Variants in DGKB observed in about 807,000 individuals in gnomAD.
DGKB encodes 90 kDa diacylglycerol kinase.
Under a neutral mutation model 114.3 loss-of-function variants are expected in DGKB, and 67 were observed. The observed-to-expected ratio is 0.59, with a 90% confidence interval of 0.48 to 0.72. The LOEUF is 0.72. Ranked by LOEUF, DGKB falls within the 30% of genes least tolerant of loss-of-function variation. DGKB has a pLI of 0.00. For synonymous variants in DGKB, 398 were observed against 323.1 expected, an observed-to-expected ratio of 1.23 and a Z score of -2.49; for missense variants, 907 against 975.2, an observed-to-expected ratio of 0.93 and a Z score of 0.93.
chr7:14,701,655 A>G, intron 7 of DGKB, 26 bp downstream of exon 7: 1 of 1,561,418 alleles, frequency 6.4e-7, no homozygotes, highest in Non-Finnish European at 8.8e-7. Context: ...TGAAGTTTTC[A>G]CAGAAACTTT....
chr7:14,613,532 A>AATGTGTGT, intron 15 of DGKB, 119 bp from the exon 16 acceptor site: 1 of 639,482 alleles, frequency 1.6e-6, no homozygotes. Flanking sequence ...TACTTTCCAC[A>AATGTGTGT]ATGTGTGTGT....
chr7:14,580,030 C>T (rs567062779), intron 19 of DGKB, among the ~76,000 whole-genome samples: 1 of 152,274 alleles, frequency 6.6e-6, no homozygotes, highest in East Asian at 1.9e-4. Flanking sequence ...GTTCAGTGAT[C>T]TTCAGATAAA....
intron 5 of DGKB, among the ~76,000 whole-genome samples, chr7:14,719,317 C>T (rs1236374932): frequency 1.3e-5 from 2 of 152,172 alleles, no homozygotes; most frequent in South Asian, 2.1e-4. Flanking sequence ...ATGGTTCTGA[C>T]TTTATTTCTG....
In DGKB at chr7:14,509,715, G is replaced by A. The variant is rs28707173; in HGVS notation, c.1771-31490C>T. Among the ~76,000 whole-genome samples the A allele has an allele frequency of 3.9e-3, 595 of 152,278 alleles. 2 individuals are homozygous for A. Among genetic ancestry groups the A allele is most frequent in the African/African-American group, 0.013 (556 of 41,564 alleles). On this transcript the variant is annotated intron_variant, in intron 20 of 25. Transcript: ENST00000402815. ...TCTGGGCCGTGAGCAAGCCTCCGAC[G>A]CTCTGGTCCCCTGGACCCGCCTTTT...
intron 21 of DGKB, among the ~76,000 whole-genome samples, chr7:14,375,873 C>T (rs1325834596): frequency 6.6e-6 from 1 of 152,208 alleles, no homozygotes; most frequent in Non-Finnish European, 1.5e-5. Flanking sequence ...TCACCATAAA[C>T]ATTTGTTGAA....
chr7:14,433,632 A>G (rs1828811108), intron 21 of DGKB, among the ~76,000 whole-genome samples: 1 of 152,152 alleles, frequency 6.6e-6, no homozygotes, highest in Non-Finnish European at 1.5e-5. Flanking sequence ...GTAGACACTT[A>G]ATACATTTTT....
chr7:14,415,326 T>A (rs1291679616), intron 21 of DGKB, among the ~76,000 whole-genome samples: 2 of 152,014 alleles, frequency 1.3e-5, no homozygotes, highest in Non-Finnish European at 2.9e-5. Context: ...ACGTGCAGGT[T>A]TGTTACATAT....
At chr7:14,949,748 TACACCATGGAA>T (rs1383815972) in intron 1 of DGKB, among the ~76,000 whole-genome samples, 2 of 152,080 alleles carry the variant, frequency 1.3e-5, no homozygotes, top group South Asian at 4.2e-4. Flanking sequence ...GTGGCACATA[TACACCATGGAA>T]TACTATGCAG....
intron 20 of DGKB, among the ~76,000 whole-genome samples, chr7:14,553,172 T>A (rs1475874059): frequency 1.3e-5 from 2 of 152,218 alleles, no homozygotes; most frequent in Non-Finnish European, 2.9e-5. Flanking sequence ...AAGGCAAAAA[T>A]TATTTTCCAT....
chr7:14,530,646 G>A (rs56055469), intron 20 of DGKB, among the ~76,000 whole-genome samples: 26,319 of 151,132 alleles, frequency 0.17, 3,666 homozygotes, highest in East Asian at 0.54. Context: ...CCATTATATC[G>A]AATTCCTGAG....
At chr7:14,941,517 C>A (rs1785571026) in intron 1 of DGKB, among the ~76,000 whole-genome samples, 1 of 152,046 alleles carries the variant, frequency 6.6e-6, no homozygotes, top group African/African-American at 2.4e-5. Context: ...AGTCAGTGTT[C>A]ATTCCAAAAA....
intron 9 of DGKB, among the ~76,000 whole-genome samples, chr7:14,687,259 T>C (rs370025004): frequency 2.4e-4 from 36 of 152,274 alleles, no homozygotes; most frequent in African/African-American, 7.5e-4. Context: ...GGCAAGCTAA[T>C]ACATTAACTT....
At chr7:14,893,332 C>T (rs1029769431) in intron 1 of DGKB, among the ~76,000 whole-genome samples, 3 of 151,554 alleles carry the variant, frequency 2.0e-5, no homozygotes, top group East Asian at 1.9e-4. Flanking sequence ...GTGATGATTA[C>T]TTTGTCATCC....
chr7:14,803,256 AAGG>A (rs767961723), intron 2 of DGKB, among the ~76,000 whole-genome samples: 1 of 152,146 alleles, frequency 6.6e-6, no homozygotes, highest in Non-Finnish European at 1.5e-5. Flanking sequence ...CAAACAATTA[AAGG>A]AGAAGAGAGA....
intron 25 of DGKB, 40 bp from the exon 26 acceptor site, chr7:14,149,278 T>G: frequency 2.8e-6 from 4 of 1,434,768 alleles, no homozygotes; most frequent in Non-Finnish European, 3.9e-6. Context: ...AAGAATAGAG[T>G]AATCTCCAGA....
At chr7:14,381,229 A>T (rs1026137462) in intron 21 of DGKB, among the ~76,000 whole-genome samples, 1 of 152,216 alleles carries the variant, frequency 6.6e-6, no homozygotes, top group African/African-American at 2.4e-5. Context: ...AATGCCAATA[A>T]GCAAGTAGGT....
chr7:14,929,000 C>A (rs1172265293), intron 1 of DGKB, among the ~76,000 whole-genome samples: 1 of 149,848 alleles, frequency 6.7e-6, no homozygotes. Context: ...TTTTTTATGG[C>A]TGAAAAGTAC....
chr7:14,190,533 A>G (rs1784137999), intron 23 of DGKB, among the ~76,000 whole-genome samples: 1 of 151,014 alleles, frequency 6.6e-6, no homozygotes, highest in Non-Finnish European at 1.5e-5. Context: ...GAAGGAAGGA[A>G]ATAATAAAAC....
intron 4 of DGKB, among the ~76,000 whole-genome samples, chr7:14,740,002 C>G (rs1018007939): frequency 6.6e-6 from 1 of 152,236 alleles, no homozygotes; most frequent in Non-Finnish European, 1.5e-5. Context: ...CTTTCGGCAT[C>G]CAACAGCCAT....
Sources: gnomAD v4.1 joint callset for allele counts (sites outside exome capture counted in the v4.1 genomes callset) on GRCh38, gnomAD v4.1.1 for gene constraint, MANE v1.5 for transcripts, NCBI Gene and HGNC (gene_info 2026-07-23, HGNC 2026-07-21) for gene names.